Variants in ARHGAP44 observed in about 807,000 individuals in gnomAD.
ARHGAP44 encodes rho GTPase-activating protein 44.
Under a neutral mutation model 106.8 loss-of-function variants are expected in ARHGAP44, and 43 were observed. The observed-to-expected ratio is 0.40, with a 90% CI of 0.32 to 0.52. ARHGAP44 has a LOEUF of 0.52. ARHGAP44 is among the 20% of genes least tolerant of loss of function. The probability of loss-of-function intolerance (pLI) is 0.48; values close to 1 mark genes in which losing one functional copy is unlikely to be tolerated. For missense variants in ARHGAP44, 866 were observed against 1,050.5 expected, an observed-to-expected ratio of 0.82 and a Z score of 2.43; for synonymous variants, 439 against 410.3, an observed-to-expected ratio of 1.07 and a Z score of -0.85.
At chr17:12,845,305 C>T (rs2035531388) in intron 1 of ARHGAP44, among the ~76,000 whole-genome samples, 1 of 151,908 alleles carries the variant, frequency 6.6e-6, no homozygotes, top group African/African-American at 2.4e-5. Flanking sequence ...ATCAAGAGAT[C>T]GAGACCAGCC....
At chr17:12,886,476 G>T (rs1276711423) in intron 1 of ARHGAP44, among the ~76,000 whole-genome samples, 1 of 151,868 alleles carries the variant, frequency 6.6e-6, no homozygotes, top group African/African-American at 2.4e-5. Context: ...ATTTAGATTT[G>T]CTTTTATTTA....
In ARHGAP44 at chr17:12,958,282, A is replaced by G. The variant is rs76452780; in HGVS notation, c.1343-435A>G. ...GGCAGTGTCATCATCTATAAATATT[A>G]ATATTGCCTCTTATTTTATTTTCTT... On this transcript the variant is annotated intron_variant, in intron 15 of 20. Coordinates refer to ENST00000379672, the MANE Select transcript of ARHGAP44 (RefSeq NM_014859.6). This position sits in a 1 kb window ranked among gnomAD's most constrained non-coding sequence, Gnocchi z 4.1. Among the ~76,000 whole-genome samples the G allele has an allele frequency of 5.9e-3, 898 of 152,282 alleles. 41 individuals carry two copies. The East Asian group carries it at 0.12, about 20-fold the overall frequency.
At chr17:12,969,422 C>G (rs1318211933) in intron 16 of ARHGAP44, among the ~76,000 whole-genome samples, 1 of 152,164 alleles carries the variant, frequency 6.6e-6, no homozygotes, top group African/African-American at 2.4e-5. Context: ...TTCATTGGCT[C>G]CTTACAACAA....
In ARHGAP44 at chr17:12,975,311, C is replaced by T. The variant is rs181963176; in HGVS notation, c.1763+1001C>T. Among the ~76,000 whole-genome samples, 998 of 149,540 alleles carry T rather than the reference C, an allele frequency of 6.7e-3. 5 individuals carry two copies. The highest frequency in any genetic ancestry group is 0.023 in the African/African-American group (942 of 40,716). On this transcript the variant is annotated intron_variant, in intron 18 of 20. Coordinates refer to ENST00000379672, the MANE Select transcript of ARHGAP44 (RefSeq NM_014859.6). ...CTTCTCTTTATAGTCATAGCAGCCACTTTTTTTTTTCTTTTGATGCCGCTA... is the reference window on the plus strand; with the variant it reads ...CTTCTCTTTATAGTCATAGCAGCCATTTTTTTTTTTCTTTTGATGCCGCTA...
At chr17:12,858,855 G>A (rs2035983970) in intron 1 of ARHGAP44, among the ~76,000 whole-genome samples, 1 of 152,186 alleles carries the variant, frequency 6.6e-6, no homozygotes, top group Non-Finnish European at 1.5e-5. Flanking sequence ...TCACAGTCAT[G>A]GTGGAAGGTG....
rs932329068 is a variant in ARHGAP44, at chr17:12,991,616, G to A, written c.*1445G>A. 3 of 183,804 alleles carry A rather than the reference G, an allele frequency of 1.6e-5. No individual in the cohort carries two copies. Among genetic ancestry groups the A allele is most frequent in the African/African-American group, 2.4e-5 (1 of 42,488 alleles). The allele number at this position is 183,804 out of a possible 1,614,324, so 11.4% of individuals were successfully genotyped here. On this transcript the variant is annotated 3_prime_UTR_variant, in exon 21 of 21. Transcript: ENST00000379672. ...TGTACAAATCGTTGTCAAAAGTAAC[G>A]TTATTAAAATAGATTTATTATCCCT...
At chr17:12,843,513 T>C (rs1258330624) in intron 1 of ARHGAP44, among the ~76,000 whole-genome samples, 1 of 152,188 alleles carries the variant, frequency 6.6e-6, no homozygotes, top group African/African-American at 2.4e-5. Flanking sequence ...TTGATCTCAA[T>C]TGATTAACTT....
At chr17:12,812,213 A>G (rs1423003660) in intron 1 of ARHGAP44, among the ~76,000 whole-genome samples, 1 of 152,206 alleles carries the variant, frequency 6.6e-6, no homozygotes, top group Non-Finnish European at 1.5e-5. Context: ...CTGATATTTG[A>G]GGCTGGTTTT....
intron 1 of ARHGAP44, among the ~76,000 whole-genome samples, chr17:12,814,601 A>T (rs1168672553): frequency 6.6e-6 from 1 of 151,988 alleles, no homozygotes; most frequent in Non-Finnish European, 1.5e-5. Flanking sequence ...TCTTTACTTG[A>T]ATAGAGGCCA....
intron 3 of ARHGAP44, among the ~76,000 whole-genome samples, chr17:12,898,479 C>T (rs1307347990): frequency 6.6e-6 from 1 of 152,176 alleles, no homozygotes; most frequent in Non-Finnish European, 1.5e-5. Context: ...TACACTGCTT[C>T]CTAGAGACTT....
chr17:12,956,095 C>A (rs73292370), intron 14 of ARHGAP44, 115 bp downstream of exon 14: 6 of 702,334 alleles, frequency 8.5e-6, no homozygotes, highest in Non-Finnish European at 1.5e-5. Context: ...TTTTCCAAAC[C>A]CTATTTCTTT....
At chr17:12,935,475 A>G (rs1441252068) in intron 7 of ARHGAP44, among the ~76,000 whole-genome samples, 1 of 151,872 alleles carries the variant, frequency 6.6e-6, no homozygotes, top group Non-Finnish European at 1.5e-5. Context: ...GAAGCCAAAT[A>G]AGGAGAATCA....
At chr17:12,894,797 A>G (rs1319932659) in intron 1 of ARHGAP44, 143 bp from the exon 2 acceptor site, 3 of 688,958 alleles carry the variant, frequency 4.4e-6, no homozygotes, top group Non-Finnish European at 4.7e-6. Context: ...AATAAATTCT[A>G]GTTTTCTCTA....
Position 12,949,397 on chromosome 17 carries a change from G to GCA in ARHGAP44, c.973+147_973+148insAC. 2 of 949,344 alleles carry GCA rather than the reference G, an allele frequency of 2.1e-6. No individual in the cohort carries two copies. The highest frequency in any genetic ancestry group is 3.1e-6 in the Non-Finnish European group (2 of 639,892). 58.8% of individuals were successfully genotyped at this position (949,344 alleles called of 1,614,324 possible). A position where few individuals can be genotyped will look rare whatever the true frequency, so the allele number is the denominator to read the frequency against. On this transcript the variant is annotated intron_variant, in intron 11 of 20. Coordinates refer to ENST00000379672, the MANE Select transcript of ARHGAP44 (RefSeq NM_014859.6). The surrounding 1 kb of genome is among the most constrained non-coding windows in gnomAD (Gnocchi z 4.1). The stretch of plus-strand genomic sequence containing the variant: ...TGTCCACTCAGTGCCCAGTTTCAGG[G>GCA]CTGGGTGCTCTGGCCCCTTGAAGGA...
intron 3 of ARHGAP44, among the ~76,000 whole-genome samples, chr17:12,906,787 A>G (rs1362851893): frequency 6.6e-6 from 1 of 151,994 alleles, no homozygotes; most frequent in Non-Finnish European, 1.5e-5. Context: ...ATTTAGAAAT[A>G]AAATTAGCCA....
chr17:12,989,100 CCAAAAAAA>C (rs202022716), intron 20 of ARHGAP44, among the ~76,000 whole-genome samples: 1,463 of 32,016 alleles, frequency 0.046, 59 homozygotes, highest in East Asian at 0.34. Context: ...TCCACCCCCC[CCAAAAAAA>C]AAAAAAAAAA....
At chr17:12,948,752 C>CACACACACA (rs1221163562) in intron 10 of ARHGAP44, among the ~76,000 whole-genome samples, 16,746 of 140,810 alleles carry the variant, frequency 0.12, 1,424 homozygotes, top group Non-Finnish European at 0.14. Context: ...ACACACACAC[C>CACACACACA]CCCTGTAGAC....
intron 1 of ARHGAP44, among the ~76,000 whole-genome samples, chr17:12,810,560 A>C (rs1367243017): frequency 6.6e-6 from 1 of 152,070 alleles, no homozygotes; most frequent in Non-Finnish European, 1.5e-5. Context: ...ACTTCTGGGG[A>C]GGGGAGAAGT....
intron 1 of ARHGAP44, among the ~76,000 whole-genome samples, chr17:12,840,054 T>G (rs1020160058): frequency 6.6e-5 from 10 of 152,242 alleles, no homozygotes; most frequent in Admixed American, 3.3e-4. Context: ...ACATTTTACC[T>G]ATTGCCATTT....
Sources: allele counts gnomAD v4.1 joint callset (sites outside exome capture counted in the v4.1 genomes callset), GRCh38; gene constraint gnomAD v4.1.1; non-coding constraint Gnocchi (gnomAD v3.1); transcripts MANE v1.5; gene names NCBI Gene and HGNC (gene_info 2026-07-23, HGNC 2026-07-21).